ZRANB3: variants seen among roughly 807,000 people sequenced by gnomAD.
ZRANB3 encodes the protein DNA annealing helicase and endonuclease ZRANB3.
In ZRANB3, 125 loss-of-function variants were observed where a neutral mutation model predicts 133.8. The observed-to-expected ratio is 0.93, with a 90% CI of 0.81 to 1.08. ZRANB3 has a LOEUF of 1.08. Ranked by LOEUF, ZRANB3 falls within the 50% of genes least tolerant of loss-of-function variation. The pLI is 0.00. For synonymous variants in ZRANB3, 387 were observed against 432.7 expected (o/e 0.89, Z 1.31); for missense variants, 1,229 against 1,275.5 (o/e 0.96, Z 0.56).
chr2:135,426,627 A>G (rs1361591469), intron 2 of ZRANB3, among the ~76,000 whole-genome samples: 1 of 151,208 alleles, frequency 6.6e-6, no homozygotes, highest in East Asian at 1.9e-4. Flanking sequence ...CAGGAGATGG[A>G]GAATATCCTG....
intron 6 of ZRANB3, among the ~76,000 whole-genome samples, chr2:135,317,851 C>T (rs760762535): frequency 1.3e-5 from 2 of 152,068 alleles, no homozygotes; most frequent in Non-Finnish European, 2.9e-5. Flanking sequence ...ACCCACTCTC[C>T]CCACCCACAT....
Position 135,230,598 on chromosome 2 carries a change from C to T in ZRANB3, c.1869G>A (p.Glu623=), listed in dbSNP as rs1694958379. ...AGGTGCAGAGACTACATTGCCAGCC[C>T]TCTACAGGAAAGGCTGGGGTGGTTA... The part of the protein sequence containing the change: ...AQLTTPAFPV[E]GWQCSLCTYI... Residue 623 remains glutamate (E), a synonymous_variant, in exon 13 of 21, where the codon GAG becomes GAA. Coordinates refer to ENST00000264159, the MANE Select transcript of ZRANB3 (RefSeq NM_032143.4). The T allele has an allele frequency of 5.0e-6, 8 of 1,608,766 alleles. No individual in the cohort carries two copies. The highest frequency in any genetic ancestry group is 6.8e-6 in the Non-Finnish European group (8 of 1,178,504).
At chr2:135,374,162 T>C (rs1016249029) in intron 3 of ZRANB3, among the ~76,000 whole-genome samples, 5 of 152,176 alleles carry the variant, frequency 3.3e-5, no homozygotes, top group Admixed American at 3.3e-4. Context: ...ATCTCAGCAC[T>C]TTGAAAGGCC....
At chr2:135,331,725 G>T (rs1453985990) in intron 6 of ZRANB3, among the ~76,000 whole-genome samples, 1 of 152,034 alleles carries the variant, frequency 6.6e-6, no homozygotes, top group Admixed American at 6.6e-5. Context: ...TTATGAATCT[G>T]GGTGCTCCTG....
chr2:135,294,546 G>A (rs1681935610), intron 8 of ZRANB3, among the ~76,000 whole-genome samples: 1 of 152,070 alleles, frequency 6.6e-6, no homozygotes, highest in Non-Finnish European at 1.5e-5. Flanking sequence ...CAAAAAACCA[G>A]CTCCTGGATT....
chr2:135,331,944 A>G (rs919030343), intron 6 of ZRANB3, among the ~76,000 whole-genome samples: 10 of 152,138 alleles, frequency 6.6e-5, no homozygotes, highest in African/African-American at 2.4e-4. Context: ...TCCAAAATGA[A>G]ATAAACTATC....
At chr2:135,391,692 G>A (rs1687241474) in intron 2 of ZRANB3, among the ~76,000 whole-genome samples, 1 of 150,872 alleles carries the variant, frequency 6.6e-6, no homozygotes, top group Non-Finnish European at 1.5e-5. Context: ...CTATTCTCCT[G>A]CCTCAGCCTC....
chr2:135,428,368 G>A (rs548820863), intron 2 of ZRANB3, among the ~76,000 whole-genome samples: 1 of 150,174 alleles, frequency 6.7e-6, no homozygotes, highest in African/African-American at 2.5e-5. Flanking sequence ...ACTTGAACCT[G>A]GGAGCCAAGA....
chr2:135,397,402 C>T (rs913118199), intron 2 of ZRANB3, among the ~76,000 whole-genome samples: 9 of 150,118 alleles, frequency 6.0e-5, no homozygotes, highest in African/African-American at 2.2e-4. Flanking sequence ...GAGGCATGAT[C>T]GTACCACTGC....
At chr2:135,481,273 C>G (rs1183852209) in intron 2 of ZRANB3, among the ~76,000 whole-genome samples, 114 of 151,062 alleles carry the variant, frequency 7.5e-4, no homozygotes, top group African/African-American at 2.4e-3. Context: ...CTCTCCAGCA[C>G]CTGTTGTTTC....
intron 8 of ZRANB3, among the ~76,000 whole-genome samples, chr2:135,280,385 C>T (rs1573820172): frequency 2.0e-5 from 3 of 151,936 alleles, no homozygotes; most frequent in Non-Finnish European, 2.9e-5. Flanking sequence ...TTGACCAACA[C>T]GGAGAAACCC....
At chr2:135,283,087 C>T (rs1681168261) in intron 8 of ZRANB3, among the ~76,000 whole-genome samples, 1 of 151,464 alleles carries the variant, frequency 6.6e-6, no homozygotes, top group African/African-American at 2.4e-5. Flanking sequence ...GAGTTTGAGA[C>T]AAGACTGGGC....
intron 1 of ZRANB3, among the ~76,000 whole-genome samples, chr2:135,508,556 T>A (rs952971583): frequency 3.3e-5 from 5 of 152,092 alleles, no homozygotes; most frequent in African/African-American, 1.2e-4. Context: ...TCTAAAACAT[T>A]ATGAAAATGT....
chr2:135,271,751 G>C lies in ZRANB3; in HGVS notation c.1206+17C>G, dbSNP rs777367670. The C allele has an allele frequency of 4.4e-6, 7 of 1,599,968 alleles. No homozygotes were observed. The highest frequency in any genetic ancestry group is 1.3e-5 in the African/African-American group (1 of 74,460). On this transcript the variant is annotated intron_variant, in intron 10 of 20. Transcript: ENST00000264159. ...CAATGACATTTCATAACCAAATTTA[G>C]ACTTGAAATTTCTTACCTGGCCAGC...
At chr2:135,433,810 C>T (rs1023251390) in intron 2 of ZRANB3, among the ~76,000 whole-genome samples, 1 of 151,182 alleles carries the variant, frequency 6.6e-6, no homozygotes, top group Admixed American at 6.6e-5. Flanking sequence ...TCTTGGCCAA[C>T]CTGGTGAAAC....
chr2:135,511,485 T>C (rs894873084), intron 1 of ZRANB3: 3 of 870,076 alleles, frequency 3.4e-6, no homozygotes, highest in East Asian at 2.4e-5. Flanking sequence ...CACGTTCCTC[T>C]ACTACTTCTT....
chr2:135,400,991 C>A (rs2104938697), intron 2 of ZRANB3, among the ~76,000 whole-genome samples: 1 of 152,268 alleles, frequency 6.6e-6, no homozygotes, highest in East Asian at 1.9e-4. Context: ...GTCATCTGAA[C>A]AACTACTTTA....
chr2:135,515,244 T>G (rs1303293810), intron 1 of ZRANB3, among the ~76,000 whole-genome samples: 1 of 152,156 alleles, frequency 6.6e-6, no homozygotes, highest in East Asian at 1.9e-4. Flanking sequence ...TGGTACAAAT[T>G]CGGCCGTGAA....
intron 3 of ZRANB3, among the ~76,000 whole-genome samples, chr2:135,383,865 C>A (rs1050871352): frequency 1.3e-5 from 2 of 151,926 alleles, no homozygotes; most frequent in African/African-American, 4.8e-5. Flanking sequence ...GAAATTTATA[C>A]CACTAAATGC....
Sources: gnomAD v4.1 joint callset for allele counts (sites outside exome capture counted in the v4.1 genomes callset) on GRCh38, gnomAD v4.1.1 for gene constraint, MANE v1.5 for transcripts, NCBI Gene and HGNC (gene_info 2026-07-23, HGNC 2026-07-21) for gene names.